The following LHCGR variants were observed in gnomAD, a reference collection of about 807,000 sequenced individuals.
LHCGR encodes the protein lutropin-choriogonadotropic hormone receptor.
A neutral mutation model predicts 60.7 loss-of-function variants in LHCGR; 55 were observed. The observed-to-expected ratio is 0.91, with a 90% CI of 0.73 to 1.13. The LOEUF (loss-of-function observed/expected upper bound fraction) is 1.13, where lower values mean the gene tolerates loss of function less well. LHCGR is among the 50% of genes most tolerant of loss of function. The probability of loss-of-function intolerance (pLI) is 0.00; values close to 1 mark genes in which losing one functional copy is unlikely to be tolerated. For synonymous variants in LHCGR, 337 were observed against 316.5 expected, an observed-to-expected ratio of 1.06 and a Z score of -0.69; for missense variants, 862 against 836.0, an observed-to-expected ratio of 1.03 and a Z score of -0.38.
chr2:48,727,767 C>A (rs1668803805), intron 3 of LHCGR, among the ~76,000 whole-genome samples: 1 of 152,246 alleles, frequency 6.6e-6, no homozygotes, highest in East Asian at 1.9e-4. Flanking sequence ...GCTACACTGT[C>A]ATCTCATGGT....
intron 7 of LHCGR, among the ~76,000 whole-genome samples, chr2:48,711,379 C>A (rs1001929486): frequency 5.3e-5 from 8 of 152,206 alleles, no homozygotes; most frequent in Non-Finnish European, 1.2e-4. Context: ...TCTACCATTG[C>A]AGACTCAGTA....
chr2:48,748,872 G>A (rs934986789), intron 1 of LHCGR, among the ~76,000 whole-genome samples: 5 of 152,098 alleles, frequency 3.3e-5, no homozygotes, highest in Admixed American at 6.5e-5. Context: ...AGAAAAAGGG[G>A]ACCTGGTGCT....
intron 1 of LHCGR, among the ~76,000 whole-genome samples, chr2:48,747,853 C>G (rs1405993218): frequency 1.3e-5 from 2 of 152,116 alleles, no homozygotes; most frequent in African/African-American, 4.8e-5. Flanking sequence ...CCAAGGTTTC[C>G]AGGTTGAAGT....
At chr2:48,700,317 T>A (rs1291017191) in intron 8 of LHCGR, among the ~76,000 whole-genome samples, 3 of 152,156 alleles carry the variant, frequency 2.0e-5, no homozygotes, top group Non-Finnish European at 4.4e-5. Context: ...GGGTTTTCAG[T>A]CTTAGTAACA....
chr2:48,742,384 T>C (rs1669497548), intron 1 of LHCGR, among the ~76,000 whole-genome samples: 1 of 150,450 alleles, frequency 6.6e-6, no homozygotes, highest in African/African-American at 2.4e-5. Context: ...ATCAACAGAA[T>C]ATACATTTTT....
Position 48,688,993 on chromosome 2 carries a change from G to A in LHCGR, c.948-144C>T. On this transcript the variant is annotated intron_variant, in intron 10 of 10. Transcript: ENST00000294954. This position sits in a 1 kb window ranked among gnomAD's most constrained non-coding sequence, Gnocchi z 5.2. ...CTTACATTTATTTGTTAAATTATTTGAGAACTCTGATTTGATGTAGGAGTA... is the reference window on the plus strand; with the variant it reads ...CTTACATTTATTTGTTAAATTATTTAAGAACTCTGATTTGATGTAGGAGTA... 1.3e-6 allele frequency: 1 copy of A among 772,938 alleles called. No individual in the cohort carries two copies. Among genetic ancestry groups the A allele is most frequent in the Non-Finnish European group, 2.1e-6 (1 of 476,824 alleles). 47.9% of individuals were successfully genotyped at this position (772,938 alleles called of 1,614,324 possible).
intron 6 of LHCGR, among the ~76,000 whole-genome samples, chr2:48,719,092 G>A (rs1239450183): frequency 6.6e-6 from 1 of 152,226 alleles, no homozygotes; most frequent in Non-Finnish European, 1.5e-5. Flanking sequence ...GGAGGCTGAG[G>A]CGGGCGGATC....
rs1650854374 is a variant in LHCGR at position 48,725,704 on chromosome 2, A to G, written c.355T>C (p.Phe119Leu). 6.2e-7 allele frequency: 1 copy of G among 1,613,634 alleles called. No homozygotes were observed. Among genetic ancestry groups the G allele is most frequent in the Non-Finnish European group, 8.5e-7 (1 of 1,179,656 alleles). Residue 119 changes from phenylalanine to leucine, a missense_variant, in exon 4 of 11, where the codon TTT (phenylalanine) becomes CTT (leucine). By Grantham distance (22) the Phe-to-Leu change is conservative. Transcript: ENST00000294954. ...TATTTTAATCGGGGAAGATTTATAA[A>G]TGCTCCGGGCTCAATGTATCTCAGA... ...KNLRYIEPGA[F>L]INLPRLKYLS...
chr2:48,709,565 G>A (rs1667877224), intron 7 of LHCGR, among the ~76,000 whole-genome samples: 1 of 152,206 alleles, frequency 6.6e-6, no homozygotes, highest in Non-Finnish European at 1.5e-5. Context: ...TGAGAAAGAG[G>A]AGGACTTACA....
At chr2:48,718,064 TA>T (rs970865867) in intron 6 of LHCGR, among the ~76,000 whole-genome samples, 2 of 151,966 alleles carry the variant, frequency 1.3e-5, no homozygotes, top group African/African-American at 2.4e-5. Flanking sequence ...TTAATGCCCT[TA>T]AAAAAACATC....
At chr2:48,717,545 A>C (rs902507670) in intron 6 of LHCGR, among the ~76,000 whole-genome samples, 2 of 151,678 alleles carry the variant, frequency 1.3e-5, no homozygotes, top group East Asian at 1.9e-4. Flanking sequence ...TGTTGATCTT[A>C]TTATTATTAT....
rs1572799668 is a variant in LHCGR, at chr2:48,687,352, A to C, written c.*345T>G. ...AATTTCTGATCTGTTATGAACTAAT[A>C]TTTTTATAGAATGCAATACAAATTA... On this transcript the variant is annotated 3_prime_UTR_variant, in exon 11 of 11. Coordinates refer to ENST00000294954, the MANE Select transcript of LHCGR (RefSeq NM_000233.4). The C allele has an allele frequency of 3.9e-6, 1 of 259,520 alleles. No homozygotes were observed. The highest frequency in any genetic ancestry group is 9.2e-5 in the East Asian group (1 of 10,904). 16.1% of individuals were successfully genotyped at this position (259,520 alleles called of 1,614,324 possible).
At chr2:48,732,889 G>A (rs776179603) in intron 1 of LHCGR, 16 of 534,278 alleles carry the variant, frequency 3.0e-5, no homozygotes, top group Admixed American at 7.8e-5. Context: ...TTCTATTCCC[G>A]AAGGCATTCC....
At chr2:48,689,108 CAT>C (rs1023075220) in intron 10 of LHCGR, among the ~76,000 whole-genome samples, 3 of 150,740 alleles carry the variant, frequency 2.0e-5, no homozygotes, top group African/African-American at 7.3e-5. Flanking sequence ...CATATATACA[CAT>C]ATATACATAT....
intron 8 of LHCGR, among the ~76,000 whole-genome samples, chr2:48,704,533 T>C (rs1237796404): frequency 1.3e-5 from 2 of 152,328 alleles, no homozygotes; most frequent in East Asian, 1.9e-4. Flanking sequence ...CTCTTTTTGG[T>C]TGGTAGGCTA....
rs926020969 is a variant in LHCGR at position 48,687,499 on chromosome 2, C to G, written c.*198G>C. 3 of 512,666 alleles carry G rather than the reference C, an allele frequency of 5.9e-6. No homozygotes were observed. Among genetic ancestry groups the G allele is most frequent in the African/African-American group, 5.7e-5 (3 of 52,716 alleles). The allele number at this position is 512,666 out of a possible 1,614,324, so 31.8% of individuals were successfully genotyped here. ...AACACTCTCAACTTCAGTATTTATG[C>G]CATGTAACAATGACAAATAGTTTTT... On this transcript the variant is annotated 3_prime_UTR_variant, in exon 11 of 11. Coordinates refer to ENST00000294954, the MANE Select transcript of LHCGR (RefSeq NM_000233.4).
At chr2:48,724,781 T>A (rs973406146) in intron 4 of LHCGR, among the ~76,000 whole-genome samples, 1 of 152,116 alleles carries the variant, frequency 6.6e-6, no homozygotes, top group South Asian at 2.1e-4. Flanking sequence ...ACACCTGAGT[T>A]TGGAATTGTT....
intron 6 of LHCGR, among the ~76,000 whole-genome samples, chr2:48,714,895 A>C (rs891836019): frequency 5.3e-5 from 8 of 152,222 alleles, no homozygotes; most frequent in African/African-American, 1.9e-4. Context: ...AGAAGGAAAT[A>C]GGCTCAGTGA....
At position 48,688,500 on chromosome 2, in the gene LHCGR, A is replaced by C. The variant is rs1397348855; in HGVS notation, c.1297T>G (p.Trp433Gly). ...KGQYYNHAID[W>G]QTGSGCSTAG... ...GTGCTGCACCCACTCCCTGTCTGCC[A>C]GTCTATGGCATGGTTATAGTACTGG... Residue 433 changes from tryptophan (W) to glycine (G), a missense_variant, in exon 11 of 11, where the codon TGG becomes GGG. Transcript: ENST00000294954. The surrounding 1 kb of genome is among the most constrained non-coding windows in gnomAD (Gnocchi z 5.2). 6.2e-7 allele frequency: 1 copy of C among 1,614,206 alleles called. No homozygotes were observed.
Sources: gnomAD v4.1 joint callset for allele counts (sites outside exome capture counted in the v4.1 genomes callset) on GRCh38, gnomAD v4.1.1 for gene constraint, Gnocchi (gnomAD v3.1) non-coding constraint, MANE v1.5 for transcripts, NCBI Gene and HGNC (gene_info 2026-07-23, HGNC 2026-07-21) for gene names.